Variants in TRPM3 observed in about 807,000 individuals in gnomAD.
TRPM3 encodes transient receptor potential cation channel subfamily M member 3, also known as long transient receptor potential channel 3.
A neutral mutation model predicts 181.2 loss-of-function variants in TRPM3; 77 were observed. The ratio of observed to expected loss-of-function variants is 0.42; its 90% confidence interval spans 0.35 to 0.51. The LOEUF (loss-of-function observed/expected upper bound fraction) is 0.51. Among genes scored for constraint, TRPM3 ranks in the 20% least tolerant of loss-of-function variants. The pLI is 0.01. For missense variants in TRPM3, 1,759 were observed against 2,196.7 expected (o/e 0.80, Z 3.98); for synonymous variants, 745 against 796.4 (o/e 0.94, Z 1.09).
intron 9 of TRPM3, among the ~76,000 whole-genome samples, chr9:70,645,820 G>A (rs1305159824): frequency 6.6e-6 from 1 of 151,894 alleles, no homozygotes; most frequent in Non-Finnish European, 1.5e-5. Context: ...GAAAATTTTT[G>A]CAATCTGTGC....
At chr9:70,828,715 T>TTTTTTTTTTTTTTTTTTTTTTTG (rs758707614) in intron 5 of TRPM3, among the ~76,000 whole-genome samples, 1 of 143,222 alleles carries the variant, frequency 7.0e-6, no homozygotes. Flanking sequence ...TTTTTTTTTT[T>TTTTTTTTTTTTTTTTTTTTTTTG]TATAAAAAGA....
intron 20 of TRPM3, among the ~76,000 whole-genome samples, chr9:70,599,353 C>T (rs776710091): frequency 8.6e-5 from 13 of 152,046 alleles, no homozygotes; most frequent in Middle Eastern, 6.8e-3. Context: ...AGGAGTTGTT[C>T]AATTATAGAT....
intron 1 of TRPM3, among the ~76,000 whole-genome samples, chr9:70,972,674 C>T (rs1030258527): frequency 2.0e-5 from 3 of 151,980 alleles, no homozygotes; most frequent in Non-Finnish European, 2.9e-5. Flanking sequence ...AGTAACAGTG[C>T]TTCAGGACTT....
chr9:71,344,168 A>G (rs1160001767), intron 1 of TRPM3, among the ~76,000 whole-genome samples: 1 of 152,090 alleles, frequency 6.6e-6, no homozygotes, highest in East Asian at 1.9e-4. Context: ...TAACTGGGGC[A>G]GCTGGGCACG....
At chr9:71,035,982 CT>C (rs35101881) in intron 1 of TRPM3, among the ~76,000 whole-genome samples, 7,877 of 98,168 alleles carry the variant, frequency 0.08, 167 homozygotes, top group South Asian at 0.1. Flanking sequence ...CAAACATAGG[CT>C]TTTTTTTTTT....
chr9:70,893,732 GACTAATGGTAATTAA>G (rs1332723785), intron 1 of TRPM3, among the ~76,000 whole-genome samples: 1 of 152,098 alleles, frequency 6.6e-6, no homozygotes, highest in East Asian at 1.9e-4. Context: ...GAGATTAAAG[GACTAATGGTAATTAA>G]ACATTGACAC....
intron 1 of TRPM3, among the ~76,000 whole-genome samples, chr9:71,425,683 T>C (rs972738677): frequency 6.6e-6 from 1 of 152,154 alleles, no homozygotes; most frequent in Admixed American, 6.6e-5. Context: ...GCAGAGACTT[T>C]AGCAATATTC....
At chr9:70,646,801 A>C (rs2058926006) in intron 9 of TRPM3, among the ~76,000 whole-genome samples, 1 of 151,900 alleles carries the variant, frequency 6.6e-6, no homozygotes, top group South Asian at 2.1e-4. Context: ...ACTAATAAAG[A>C]AAAAAGAGAG....
At chr9:71,007,039 CAAAAAAAA>C (rs59442017) in intron 1 of TRPM3, among the ~76,000 whole-genome samples, 1 of 27,972 alleles carries the variant, frequency 3.6e-5, no homozygotes, top group Non-Finnish European at 5.9e-5. Flanking sequence ...AACTCCATCT[CAAAAAAAA>C]AAAAAAAAAA....
rs1239915677 is a variant in TRPM3, at chr9:71,331,670, G to A, written c.183+114983C>T. Among the ~76,000 whole-genome samples, 10 of 147,712 alleles carry A rather than the reference G, an allele frequency of 6.8e-5. 1 individual carries two copies. The highest frequency in any genetic ancestry group is 6.1e-4 in the Admixed American group (9 of 14,766). On this transcript the variant is annotated intron_variant, in intron 1 of 24. Transcript: ENST00000357533. ...GGAAGAAGAGGAGAGGGAAGAGGAG[G>A]AGGAGGAGGAGGGAGAGGAGAAGGA...
At chr9:71,051,343 TA>T (rs2060036058) in intron 1 of TRPM3, among the ~76,000 whole-genome samples, 1 of 152,218 alleles carries the variant, frequency 6.6e-6, no homozygotes, top group Non-Finnish European at 1.5e-5. Flanking sequence ...CTAAACATAC[TA>T]AATCACATTC....
chr9:71,336,762 C>A (rs1054827619), intron 1 of TRPM3, among the ~76,000 whole-genome samples: 1 of 152,056 alleles, frequency 6.6e-6, no homozygotes. Flanking sequence ...GAGATATAGA[C>A]CAATGGAACA....
At position 70,537,493 on chromosome 9, in the gene TRPM3, C is replaced by CCTGA. The variant is rs1249640858; in HGVS notation, c.3708-92_3708-89dup. ...CAAGGATAAAGGGATCACAGCTGTGCCTGACCTTGGTACCTTCAATGGAAG... is the reference window on the plus strand; with the variant it reads ...CAAGGATAAAGGGATCACAGCTGTGCCTGACTGACCTTGGTACCTTCAATGGAAG... On this transcript the variant is annotated intron_variant, in intron 25 of 25. Coordinates refer to ENST00000677713, the MANE Select transcript of TRPM3 (RefSeq NM_001366145.2). 13 of 1,242,654 alleles carry CCTGA rather than the reference C, an allele frequency of 1.0e-5. No individual in the cohort carries two copies. In the Admixed American group the frequency reaches 3.4e-4, roughly 32 times the overall value. The allele number at this position is 1,242,654 out of a possible 1,614,324, so 77.0% of individuals were successfully genotyped here. A position where few individuals can be genotyped will look rare whatever the true frequency, so the allele number is the denominator to read the frequency against.
intron 8 of TRPM3, among the ~76,000 whole-genome samples, chr9:70,744,794 G>A (rs377403963): frequency 1.3e-5 from 2 of 152,122 alleles, no homozygotes; most frequent in East Asian, 1.9e-4. Context: ...TGGGAATAAA[G>A]AGAAAATGGG....
rs541254245 is a variant in TRPM3 at position 71,158,174 on chromosome 9, C to A, written c.183+288479G>T. Among the ~76,000 whole-genome samples the A allele has an allele frequency of 3.9e-5, 6 of 152,188 alleles. No individual in the cohort carries two copies. In the South Asian group the frequency reaches 8.3e-4, roughly 21 times the overall value. ...AAAAGATCCTATTATATTCAAGTAA[C>A]AGAAACTGAAGCTTTACTTAGTCCA... On this transcript the variant is annotated intron_variant, in intron 1 of 24. Coordinates refer to the TRPM3 transcript ENST00000357533.
At chr9:70,987,311 C>G (rs1228780007) in intron 1 of TRPM3, among the ~76,000 whole-genome samples, 1 of 152,092 alleles carries the variant, frequency 6.6e-6, no homozygotes, top group African/African-American at 2.4e-5. Context: ...AATGTCTATT[C>G]TATCCCTTTA....
Position 70,552,941 on chromosome 9 carries a change from T to C in TRPM3, c.3477A>G (p.Pro1159=). ...TFHERPVLPP[P]LIIFSHMTMI... ...TGGTCATGTGGCTGAAGATGATCAG[T>C]GGTGGGGGCAGAACTGGCCTTTCAT... The change falls in exon 24 of 26, where the codon CCA becomes CCG. Residue 1159 remains proline, a synonymous_variant. Transcript: ENST00000677713. 1.9e-6 allele frequency: 3 copies of C among 1,614,150 alleles called. No individual in the cohort carries two copies. The highest frequency in any genetic ancestry group is 1.1e-5 in the South Asian group (1 of 91,088).
intron 6 of TRPM3, chr9:70,793,441 G>A (rs1333136465): frequency 7.6e-6 from 1 of 132,354 alleles, no homozygotes; most frequent in Admixed American, 8.5e-5. Flanking sequence ...CAGTGACAGA[G>A]TGAGGCTTTG....
intron 1 of TRPM3, among the ~76,000 whole-genome samples, chr9:70,900,691 A>G (rs1208276176): frequency 6.6e-6 from 1 of 152,120 alleles, no homozygotes; most frequent in Non-Finnish European, 1.5e-5. Context: ...TTTCCTGGCC[A>G]AAGTTACTAC....
Sources: allele counts gnomAD v4.1 joint callset (sites outside exome capture counted in the v4.1 genomes callset), GRCh38; gene constraint gnomAD v4.1.1; transcripts MANE v1.5; gene names NCBI Gene and HGNC (gene_info 2026-07-23, HGNC 2026-07-21).